The following DENND2C variants were observed in gnomAD, a reference collection of about 807,000 sequenced individuals.
DENND2C encodes DENN domain-containing protein 2C.
A neutral mutation model predicts 112.4 loss-of-function variants in DENND2C; 72 were observed. The ratio of observed to expected loss-of-function variants is 0.64; its 90% confidence interval spans 0.53 to 0.78. DENND2C has a LOEUF of 0.78. Ranked by LOEUF, DENND2C falls within the 30% of genes least tolerant of loss-of-function variation. DENND2C has a pLI of 0.00. For missense variants in DENND2C, 992 were observed against 1,113.8 expected (o/e 0.89, Z 1.56); for synonymous variants, 329 against 381.6 (o/e 0.86, Z 1.61).
chr1:114,636,992 C>T (rs1028245877), intron 3 of DENND2C, among the ~76,000 whole-genome samples: 1 of 151,798 alleles, frequency 6.6e-6, no homozygotes, highest in Non-Finnish European at 1.5e-5. Context: ...CAACTGTAAT[C>T]CCAGCACTTT....
intron 1 of DENND2C, among the ~76,000 whole-genome samples, chr1:114,660,594 A>G (rs1657465294): frequency 6.6e-6 from 1 of 152,180 alleles, no homozygotes; most frequent in Non-Finnish European, 1.5e-5. Flanking sequence ...ACTCATTAAA[A>G]CACACTGTGA....
At chr1:114,602,275 G>C in intron 11 of DENND2C, 81 bp from the exon 12 acceptor site, 2 of 1,378,286 alleles carry the variant, frequency 1.5e-6, no homozygotes, top group East Asian at 4.7e-5. Flanking sequence ...TTGAAAACTA[G>C]AGTCCAACAG....
rs1255907184 is a variant in DENND2C, at chr1:114,605,567, G to A, written c.1558-536C>T. 3.3e-5 allele frequency among the ~76,000 whole-genome samples: 5 copies of A among 152,192 alleles called. 1 individual carries two copies. Among genetic ancestry groups the A allele is most frequent in the African/African-American group, 4.8e-5 (2 of 41,446 alleles). On this transcript the variant is annotated intron_variant, in intron 10 of 20. Transcript: ENST00000393274. ...AGCACTTTGGGAGCCCAAGGTGGGC[G>A]CATCACTTGAGCCCAGGAGTTGGAG...
intron 5 of DENND2C, 135 bp from the exon 6 acceptor site, chr1:114,623,234 G>T: frequency 3.8e-6 from 3 of 792,380 alleles, no homozygotes; most frequent in Non-Finnish European, 5.7e-6. Flanking sequence ...TGGGTTTCCA[G>T]ATCAACAGCA....
chr1:114,634,374 C>T (rs925338014), intron 3 of DENND2C, among the ~76,000 whole-genome samples: 2 of 152,088 alleles, frequency 1.3e-5, no homozygotes, highest in African/African-American at 4.8e-5. Flanking sequence ...CACTCTGTTG[C>T]CCAGGCTGGA....
chr1:114,599,804 A>G (rs574950257), intron 15 of DENND2C, among the ~76,000 whole-genome samples: 6 of 152,150 alleles, frequency 3.9e-5, no homozygotes, highest in Admixed American at 3.3e-4. Context: ...TTGATGATTT[A>G]CCATTTAAAA....
At chr1:114,599,189 AAATT>A in intron 16 of DENND2C, 81 bp downstream of exon 16, 2 of 1,021,440 alleles carry the variant, frequency 2.0e-6, no homozygotes, top group Non-Finnish European at 2.7e-6. Flanking sequence ...AGTAATAACT[AAATT>A]AATAACAATT....
chr1:114,625,459 G>C lies in DENND2C; in HGVS notation c.526C>G (p.Leu176Val), dbSNP rs1656309658. ...LEHCDSSEKELNFRVLDSSYG... is the reference protein window; with the variant it reads ...LEHCDSSEKEVNFRVLDSSYG... The stretch of plus-strand genomic sequence containing the variant: ...GAACTATCCAGAACTCTGAAGTTCA[G>C]TTCTTTTTCTGAAGAGTCACAATGT... The change falls in exon 4 of 21, where the codon CTG becomes GTG. Residue 176 changes from leucine (L) to valine (V), a missense_variant. Leu to Val is a conservative substitution (Grantham distance 32). Around this residue, in one of 3 missense-constraint regions of DENND2C, gnomAD observed 470 missense variants for 472.7 expected, o/e 0.99. Transcript: ENST00000393274. 1.9e-6 allele frequency: 3 copies of C among 1,614,096 alleles called. No individual in the cohort carries two copies. The highest frequency in any genetic ancestry group is 1.7e-6 in the Non-Finnish European group (2 of 1,180,002).
chr1:114,637,707 G>T (rs1656696516), intron 3 of DENND2C, among the ~76,000 whole-genome samples: 1 of 151,934 alleles, frequency 6.6e-6, no homozygotes, highest in South Asian at 2.1e-4. Flanking sequence ...CTAAAATGTG[G>T]TTTTGCCATG....
At chr1:114,652,458 T>G (rs1343642519) in intron 2 of DENND2C, among the ~76,000 whole-genome samples, 1 of 152,020 alleles carries the variant, frequency 6.6e-6, no homozygotes, top group Non-Finnish European at 1.5e-5. Flanking sequence ...TTCCTCAAAT[T>G]GTAGGAGATG....
chr1:114,642,917 C>T (rs1361082665), intron 3 of DENND2C, among the ~76,000 whole-genome samples: 1 of 152,198 alleles, frequency 6.6e-6, no homozygotes, highest in African/African-American at 2.4e-5. Context: ...TCCGTGAAAG[C>T]TTCCTTAGCC....
intron 7 of DENND2C, among the ~76,000 whole-genome samples, chr1:114,619,037 A>G (rs1656084082): frequency 6.6e-6 from 1 of 152,118 alleles, no homozygotes; most frequent in African/African-American, 2.4e-5. Context: ...TACAAAAACT[A>G]TGTTTTTTCT....
chr1:114,589,212 G>A (rs187965194), intron 18 of DENND2C, among the ~76,000 whole-genome samples: 2 of 152,050 alleles, frequency 1.3e-5, no homozygotes, highest in Admixed American at 6.6e-5. Flanking sequence ...TATCCAAATC[G>A]TCTTTTTCCC....
At position 114,587,743 on chromosome 1, in the gene DENND2C, G is replaced by A. The variant is rs777596116; in HGVS notation, c.2641C>T (p.Arg881Ter). The A allele has an allele frequency of 2.3e-5, 37 of 1,611,770 alleles. No homozygotes were observed. Among genetic ancestry groups the A allele is most frequent in the Admixed American group, 2.0e-4 (12 of 59,850 alleles). ...TQMFAGFIQD[R>*]ELRKSGVKGL... The stretch of plus-strand genomic sequence containing the variant: ...TTAACTCCACTTTTCCGAAGCTCTC[G>A]GTCCTGGATGAATCCTGCAAACATC... The change falls in exon 19 of 21, where the codon CGA becomes TGA. Residue 881 changes from arginine (R) to a stop codon, truncating the protein, a stop_gained. Coordinates refer to ENST00000393274, the MANE Select transcript of DENND2C (RefSeq NM_001256404.2). LOFTEE classifies it high-confidence loss of function.
intron 3 of DENND2C, among the ~76,000 whole-genome samples, chr1:114,634,002 C>T (rs1656577550): frequency 1.3e-5 from 2 of 152,060 alleles, no homozygotes; most frequent in African/African-American, 2.4e-5. Flanking sequence ...AAGGTAGACT[C>T]CTGAGCAAGA....
chr1:114,662,908 T>A (rs1361411295), intron 1 of DENND2C, among the ~76,000 whole-genome samples: 1 of 151,704 alleles, frequency 6.6e-6, no homozygotes, highest in Non-Finnish European at 1.5e-5. Flanking sequence ...TGCAGTGAAC[T>A]ATGATTGTGC....
In DENND2C at chr1:114,627,582, C is replaced by CAA. The variant is rs5777200; in HGVS notation, c.-204-1396_-204-1395dup. On this transcript the variant is annotated intron_variant, in intron 3 of 20. Transcript: ENST00000393274. The stretch of plus-strand genomic sequence containing the variant: ...AATAAACTTTGGTGATAGTCTGACG[C>CAA]AAAAAAAAAAAAAAAAAAAATCCAA... 9.0e-5 allele frequency among the ~76,000 whole-genome samples: 13 copies of CAA among 144,192 alleles called. No homozygotes were observed. The East Asian group carries it at 2.0e-3, about 22-fold the overall frequency. The allele number at this position is 144,192 out of a possible 152,430, so 94.6% of individuals were successfully genotyped here.
chr1:114,641,270 A>G lies in DENND2C; in HGVS notation c.-205+4178T>C, dbSNP rs1054419605. Among the ~76,000 whole-genome samples the G allele has an allele frequency of 1.1e-3, 162 of 151,960 alleles. 1 individual carries two copies. Among genetic ancestry groups the G allele is most frequent in the African/African-American group, 3.7e-3 (152 of 41,504 alleles). Reference sequence around the variant, plus strand: ...AGCGAGATCCTTTCTCAAAAAAAAAAAAAAAAAGAAAAGAAAAAGAAAAAA... The same window carrying G: ...AGCGAGATCCTTTCTCAAAAAAAAAGAAAAAAAGAAAAGAAAAAGAAAAAA... On this transcript the variant is annotated intron_variant, in intron 3 of 20. Coordinates refer to ENST00000393274, the MANE Select transcript of DENND2C (RefSeq NM_001256404.2).
At chr1:114,606,811 G>T (rs1241614279) in intron 10 of DENND2C, among the ~76,000 whole-genome samples, 1 of 152,152 alleles carries the variant, frequency 6.6e-6, no homozygotes, top group African/African-American at 2.4e-5. Flanking sequence ...CAAGGTGCTG[G>T]GTTTCCTCTC....
Sources: gnomAD v4.1 joint callset for allele counts (sites outside exome capture counted in the v4.1 genomes callset) on GRCh38, gnomAD v4.1.1 for gene constraint, gnomAD v4.1.1 regional missense constraint, MANE v1.5 for transcripts, NCBI Gene and HGNC (gene_info 2026-07-23, HGNC 2026-07-21) for gene names.